Variants in TGM6 observed in about 807,000 individuals in gnomAD.
TGM6 encodes the protein protein-glutamine gamma-glutamyltransferase 6.
A neutral mutation model predicts 77.5 loss-of-function variants in TGM6; 74 were observed. The observed-to-expected ratio is 0.96, with a 90% CI of 0.79 to 1.16. The LOEUF (loss-of-function observed/expected upper bound fraction) is 1.16, where lower values mean the gene tolerates loss of function less well. TGM6 is among the 50% of genes most tolerant of loss of function. The pLI is 0.00. For missense variants in TGM6, 968 were observed against 940.2 expected, an observed-to-expected ratio of 1.03 and a Z score of -0.39; for synonymous variants, 383 against 378.9, an observed-to-expected ratio of 1.01 and a Z score of -0.12.
At chr20:2,381,124 A>G in intron 1 of TGM6, 149 bp downstream of exon 1, 3 of 1,264,550 alleles carry the variant, frequency 2.4e-6, no homozygotes, top group Middle Eastern at 3.8e-4. Context: ...CTTCGTGTGG[A>G]TTCATGAGGC....
chr20:2,416,509 T>C (rs1366401971), intron 9 of TGM6, among the ~76,000 whole-genome samples: 1 of 152,248 alleles, frequency 6.6e-6, no homozygotes, highest in Non-Finnish European at 1.5e-5. Flanking sequence ...ATCATATTTA[T>C]ACTCAGTTTT....
At chr20:2,394,392 C>A in intron 1 of TGM6, 60 bp from the exon 2 acceptor site, 1 of 1,587,462 alleles carries the variant, frequency 6.3e-7, no homozygotes, top group Non-Finnish European at 8.6e-7. Context: ...GGAGGACAAG[C>A]TCAGAGTGGG....
chr20:2,383,882 C>T (rs1277332933), intron 1 of TGM6, among the ~76,000 whole-genome samples: 2 of 151,858 alleles, frequency 1.3e-5, no homozygotes, highest in Admixed American at 6.6e-5. Flanking sequence ...CCAAGGTGAG[C>T]GGATCATGAG....
intron 7 of TGM6, among the ~76,000 whole-genome samples, chr20:2,401,682 G>A (rs1380715200): frequency 1.3e-5 from 2 of 152,206 alleles, no homozygotes; most frequent in Non-Finnish European, 2.9e-5. Flanking sequence ...TTTCGCAGAT[G>A]AGGAAACTGA....
chr20:2,387,484 T>C (rs1224318079), intron 1 of TGM6, among the ~76,000 whole-genome samples: 1 of 152,246 alleles, frequency 6.6e-6, no homozygotes, highest in Non-Finnish European at 1.5e-5. Context: ...ATGTGTCAGC[T>C]ATGTGAGTTC....
intron 5 of TGM6, 85 bp downstream of exon 5, chr20:2,398,131 T>TCAC (rs1406198106): frequency 6.2e-7 from 1 of 1,607,798 alleles, no homozygotes; most frequent in Admixed American, 1.7e-5. Context: ...ATTCTTCCCA[T>TCAC]CACCCCTTGT....
intron 1 of TGM6, among the ~76,000 whole-genome samples, chr20:2,383,658 T>A (rs2084570988): frequency 6.6e-6 from 1 of 152,134 alleles, no homozygotes; most frequent in Non-Finnish European, 1.5e-5. Flanking sequence ...TTGAACAGGT[T>A]GAGCTGAAAA....
intron 10 of TGM6, among the ~76,000 whole-genome samples, chr20:2,419,035 C>G (rs2084838506): frequency 6.6e-6 from 1 of 152,202 alleles, no homozygotes; most frequent in South Asian, 2.1e-4. Flanking sequence ...TTTCGTGATC[C>G]TTGAACACAT....
chr20:2,403,860 G>A lies in TGM6; in HGVS notation c.1336+37G>A, dbSNP rs151011799. On this transcript the variant is annotated intron_variant, in intron 9 of 12. Coordinates refer to ENST00000202625, the MANE Select transcript of TGM6 (RefSeq NM_198994.3). The stretch of plus-strand genomic sequence containing the variant: ...ATGGCGGCCTTTATTACCTTCCCCC[G>A]GATGGCCCATCAGCTGCAGAGGGCC... 9.0e-3 allele frequency: 14,591 copies of A among 1,613,606 alleles called. 107 individuals carry two copies. The highest frequency in any genetic ancestry group is 0.02 in the Middle Eastern group (120 of 6,048).
At chr20:2,403,311 G>T in intron 7 of TGM6, 86 bp from the exon 8 acceptor site, 1 of 1,419,142 alleles carries the variant, frequency 7.0e-7, no homozygotes. Flanking sequence ...GTGGAAAGTA[G>T]GGAGCCCAGG....
Position 2,394,554 on chromosome 20 carries a change from C to A in TGM6, c.110C>A (p.Ser37Ter). Residue 37 changes from serine to a stop codon, truncating the protein, a stop_gained, in exon 2 of 13, where the codon TCG (serine) becomes TAG (stop). Coordinates refer to ENST00000202625, the MANE Select transcript of TGM6 (RefSeq NM_198994.3). LOFTEE classifies it high-confidence loss of function. ...CPELVVRRGQSFSLTLELSRA... is the reference protein window; with the variant it reads ...CPELVVRRGQ Reference sequence around the variant, plus strand: ...GAGCTGGTGGTTCGCAGGGGCCAGTCGTTCAGCCTCACGCTGGAGCTGAGC... The same window carrying A: ...GAGCTGGTGGTTCGCAGGGGCCAGTAGTTCAGCCTCACGCTGGAGCTGAGC... 6.2e-7 allele frequency: 1 copy of A among 1,612,086 alleles called. No individual in the cohort carries two copies. Among genetic ancestry groups the A allele is most frequent in the Non-Finnish European group, 8.5e-7 (1 of 1,179,836 alleles).
chr20:2,395,845 G>A (rs2084661737), intron 3 of TGM6, among the ~76,000 whole-genome samples: 1 of 152,204 alleles, frequency 6.6e-6, no homozygotes, highest in African/African-American at 2.4e-5. Flanking sequence ...TACATCATAA[G>A]GCCTTAGTAA....
chr20:2,399,202 G>A (rs926719615), intron 5 of TGM6, among the ~76,000 whole-genome samples: 1 of 151,524 alleles, frequency 6.6e-6, no homozygotes, highest in Non-Finnish European at 1.5e-5. Flanking sequence ...TTAATATAGT[G>A]TGCACAAAAT....
chr20:2,399,826 C>G (rs540226529), intron 6 of TGM6, 88 bp downstream of exon 6: 1 of 1,200,136 alleles, frequency 8.3e-7, no homozygotes, highest in Non-Finnish European at 1.2e-6. Context: ...TATGCTGCAA[C>G]CCATCTTCAT....
In TGM6 at chr20:2,397,993, G is replaced by T. The variant is rs757758549; in HGVS notation, c.619G>T (p.Asp207Tyr). The T allele has an allele frequency of 1.9e-6, 3 of 1,613,938 alleles. No individual in the cohort carries two copies. The highest frequency in any genetic ancestry group is 2.5e-6 in the Non-Finnish European group (3 of 1,180,030). ...CGGTCACCAAAACAACCCAGCCACC[G>T]ACGTGTCCTGCCGCCACAACCCCAT... ...SPGHQNNPAT[D>Y]VSCRHNPIYV... The change falls in exon 5 of 13, where the codon GAC (aspartate) becomes TAC (tyrosine). Residue 207 changes from aspartate to tyrosine, a missense_variant. Transcript: ENST00000202625.
chr20:2,399,556 C>A lies in TGM6; in HGVS notation c.673-5C>A. 2 of 1,612,458 alleles carry A rather than the reference C, an allele frequency of 1.2e-6. No individual in the cohort carries two copies. The highest frequency in any genetic ancestry group is 1.7e-6 in the Non-Finnish European group (2 of 1,179,880). ...GGTTGTGGACCCGTGCCCTCCTCTG[C>A]CCAGGTGAACAGCAACAACGACCGA... is the stretch of plus-strand genomic sequence containing the variant. On this transcript the variant is annotated splice_region_variant and splice_polypyrimidine_tract_variant and intron_variant, in intron 5 of 12. Transcript: ENST00000202625.
At chr20:2,416,410 A>C (rs900397177) in intron 9 of TGM6, among the ~76,000 whole-genome samples, 5 of 152,244 alleles carry the variant, frequency 3.3e-5, no homozygotes, top group Non-Finnish European at 5.9e-5. Flanking sequence ...ATGGAGAAAG[A>C]ATAAAAATAG....
rs1258362542 is a variant in TGM6 at position 2,417,592 on chromosome 20, G to A, written c.1678+19G>A. ...CAAGAAGGTAAGTGTACGCTGGCTTGGTGGAATCAGGCCAAACCACCTCCT... is the reference window on the plus strand; with the variant it reads ...CAAGAAGGTAAGTGTACGCTGGCTTAGTGGAATCAGGCCAAACCACCTCCT... On this transcript the variant is annotated intron_variant, in intron 10 of 12. Transcript: ENST00000202625. 1.9e-6 allele frequency: 3 copies of A among 1,586,712 alleles called. No individual in the cohort carries two copies. The highest frequency in any genetic ancestry group is 2.3e-5 in the East Asian group (1 of 44,082).
chr20:2,398,512 C>T lies in TGM6; in HGVS notation c.672+466C>T, dbSNP rs2084684355. ...CTTTCTACACAACCTTTCCATGTGGCTAGCTTGGGCTTCCCCACAATATGG... is the reference window on the plus strand; with the variant it reads ...CTTTCTACACAACCTTTCCATGTGGTTAGCTTGGGCTTCCCCACAATATGG... On this transcript the variant is annotated intron_variant, in intron 5 of 12. Coordinates refer to ENST00000202625, the MANE Select transcript of TGM6 (RefSeq NM_198994.3). 2.0e-5 allele frequency among the ~76,000 whole-genome samples: 3 copies of T among 149,956 alleles called. No individual in the cohort carries two copies. In the South Asian group the frequency reaches 6.6e-4, roughly 33 times the overall value.
Sources: allele counts gnomAD v4.1 joint callset (sites outside exome capture counted in the v4.1 genomes callset), GRCh38; gene constraint gnomAD v4.1.1; transcripts MANE v1.5; gene names NCBI Gene and HGNC (gene_info 2026-07-23, HGNC 2026-07-21).